TTC28: variants seen among roughly 807,000 people sequenced by gnomAD.
TTC28 encodes the protein tetratricopeptide repeat protein 28.
In TTC28, 61 loss-of-function variants were observed where a neutral mutation model predicts 198.0. The ratio of observed to expected loss-of-function variants is 0.31; its 90% CI spans 0.25 to 0.38. TTC28 has a LOEUF of 0.38. Ranked by LOEUF, TTC28 falls within the 10% of genes least tolerant of loss-of-function variation. The pLI is 1.00. For missense variants in TTC28, 2,678 were observed against 3,164.0 expected (o/e 0.85, Z 3.69); for synonymous variants, 1,171 against 1,297.8 (o/e 0.90, Z 2.10).
chr22:28,595,998 G>C (rs1431844809), intron 2 of TTC28, among the ~76,000 whole-genome samples: 2 of 152,108 alleles, frequency 1.3e-5, no homozygotes, highest in African/African-American at 4.8e-5. Flanking sequence ...CCAAGCTCCC[G>C]ACTCTCATGG....
At chr22:28,636,186 C>T (rs1283538541) in intron 1 of TTC28, among the ~76,000 whole-genome samples, 1 of 115,540 alleles carries the variant, frequency 8.7e-6, no homozygotes, top group Non-Finnish European at 1.6e-5. Flanking sequence ...AGGGCAGTGG[C>T]ACGATCTTGG....
chr22:28,541,339 CA>C, intron 2 of TTC28, among the ~76,000 whole-genome samples: 1 of 152,142 alleles, frequency 6.6e-6, no homozygotes, highest in South Asian at 2.1e-4. Context: ...AAATCCAAAA[CA>C]AAGCACAGAG....
chr22:28,660,466 C>T (rs953918816), intron 1 of TTC28, among the ~76,000 whole-genome samples: 1 of 152,206 alleles, frequency 6.6e-6, no homozygotes, highest in Non-Finnish European at 1.5e-5. Flanking sequence ...GCTGGGACTG[C>T]AGGCACACAC....
chr22:28,113,336 C>G (rs1321225743), intron 6 of TTC28, among the ~76,000 whole-genome samples: 1 of 152,178 alleles, frequency 6.6e-6, no homozygotes, highest in Non-Finnish European at 1.5e-5. Context: ...CCTCTACTTT[C>G]AAACAAATTG....
chr22:28,458,826 A>G (rs1416312340), intron 2 of TTC28, among the ~76,000 whole-genome samples: 1 of 151,588 alleles, frequency 6.6e-6, no homozygotes, highest in Non-Finnish European at 1.5e-5. Flanking sequence ...GCTTTCAGTG[A>G]GCCAAGATCA....
At chr22:28,219,029 A>G (rs951086740) in intron 5 of TTC28, among the ~76,000 whole-genome samples, 12 of 152,110 alleles carry the variant, frequency 7.9e-5, no homozygotes, top group Non-Finnish European at 1.2e-4. Flanking sequence ...GATTCCCTGA[A>G]AGGATCTCAG....
chr22:28,570,646 T>G (rs1269615247), intron 2 of TTC28, among the ~76,000 whole-genome samples: 1 of 152,130 alleles, frequency 6.6e-6, no homozygotes, highest in Non-Finnish European at 1.5e-5. Context: ...CAAAGCAATG[T>G]GACATGTAAT....
At chr22:28,193,864 A>T (rs1232385432) in intron 5 of TTC28, among the ~76,000 whole-genome samples, 1 of 152,192 alleles carries the variant, frequency 6.6e-6, no homozygotes, top group Non-Finnish European at 1.5e-5. Flanking sequence ...CACTGTCAAC[A>T]TTAGACACAT....
intron 13 of TTC28, among the ~76,000 whole-genome samples, chr22:28,021,655 C>T (rs1381287528): frequency 3.3e-5 from 5 of 152,134 alleles, no homozygotes; most frequent in South Asian, 2.1e-4. Context: ...CACATGTGTG[C>T]GTCTGATCTT....
chr22:27,983,893 T>G (rs749488273), intron 22 of TTC28, 42 bp from the exon 23 acceptor site: 3 of 1,505,656 alleles, frequency 2.0e-6, no homozygotes, highest in South Asian at 1.3e-5. Flanking sequence ...GTTAGAATTC[T>G]ATATGGTTTT....
chr22:28,472,983 C>T (rs956277251), intron 2 of TTC28, among the ~76,000 whole-genome samples: 2 of 152,162 alleles, frequency 1.3e-5, no homozygotes, highest in African/African-American at 4.8e-5. Flanking sequence ...TCTATTTAAG[C>T]TAGTTTAGGC....
intron 2 of TTC28, among the ~76,000 whole-genome samples, chr22:28,567,821 GAGGA>G (rs1450808416): frequency 6.6e-6 from 1 of 151,904 alleles, no homozygotes; most frequent in Admixed American, 6.6e-5. Context: ...TCAGACTGAT[GAGGA>G]AGGGAGATTT....
chr22:28,023,575 C>G (rs529353231), intron 13 of TTC28, among the ~76,000 whole-genome samples: 1 of 152,370 alleles, frequency 6.6e-6, no homozygotes, highest in East Asian at 1.9e-4. Flanking sequence ...TTTGTGGGTC[C>G]AAGCCTGTCC....
rs1937107663 is a variant in TTC28 at position 27,983,806 on chromosome 22, G to C, written c.5861C>G (p.Ser1954Cys). The change falls in exon 23 of 23, where the codon TCC becomes TGC. Residue 1954 changes from serine (S) to cysteine (C), a missense_variant. Ser to Cys is a moderately radical substitution (Grantham distance 112). This residue lies in a region of TTC28 where 314 missense variants were observed against 442.7 expected (regional missense o/e 0.71). Coordinates refer to ENST00000397906, the MANE Select transcript of TTC28 (RefSeq NM_001145418.2). ...PKRLSLDSSS[S>C]LESLASAQSV... ...CTGAGCAGAAGCAAGAGACTCGAGG[G>C]AGGAGGAGCTGTCAAGGCTGAGGCG... is the stretch of plus-strand genomic sequence containing the variant. 1 of 1,551,606 alleles carries C rather than the reference G, an allele frequency of 6.4e-7. No individual in the cohort carries two copies. The highest frequency in any genetic ancestry group is 8.7e-7 in the Non-Finnish European group (1 of 1,146,994).
chr22:28,120,358 C>G (rs967391472), intron 6 of TTC28, among the ~76,000 whole-genome samples: 1 of 152,130 alleles, frequency 6.6e-6, no homozygotes, highest in African/African-American at 2.4e-5. Context: ...GCTTTCAACG[C>G]CCTGGGACCT....
chr22:28,020,091 G>C (rs1353395504), intron 13 of TTC28, among the ~76,000 whole-genome samples: 12 of 152,232 alleles, frequency 7.9e-5, no homozygotes, highest in Non-Finnish European at 1.0e-4. Flanking sequence ...TGGCAGGATA[G>C]GGGCTTTTGC....
At chr22:28,380,738 C>T (rs2046481489) in intron 2 of TTC28, among the ~76,000 whole-genome samples, 1 of 152,120 alleles carries the variant, frequency 6.6e-6, no homozygotes, top group Non-Finnish European at 1.5e-5. Context: ...GATCAGCTAC[C>T]TTGTTCCAGG....
At chr22:28,343,140 T>C (rs912220517) in intron 2 of TTC28, among the ~76,000 whole-genome samples, 4 of 152,164 alleles carry the variant, frequency 2.6e-5, no homozygotes, top group Admixed American at 6.5e-5. Context: ...CTCCAAAATG[T>C]ATAATCCATG....
Position 27,985,242 on chromosome 22 carries a change from C to CTCTT in TTC28, c.5815+3_5815+6dup, listed in dbSNP as rs1937170928. 1 of 1,549,486 alleles carries CTCTT rather than the reference C, an allele frequency of 6.5e-7. No individual in the cohort carries two copies. The highest frequency in any genetic ancestry group is 2.4e-5 in the East Asian group (1 of 40,866). On this transcript the variant is annotated splice_region_variant and intron_variant, in intron 22 of 22. Coordinates refer to ENST00000397906, the MANE Select transcript of TTC28 (RefSeq NM_001145418.2). Reference sequence around the variant, plus strand: ...GGTGGAGAACTGGTCTGAGGGCAGGCTCTTACCAAACAGAGACAGCAGGGA... The same window carrying CTCTT: ...GGTGGAGAACTGGTCTGAGGGCAGGCTCTTTCTTACCAAACAGAGACAGCAGGGA...
Sources: allele counts gnomAD v4.1 joint callset (sites outside exome capture counted in the v4.1 genomes callset), GRCh38; gene constraint gnomAD v4.1.1; regional missense constraint gnomAD v4.1.1; transcripts MANE v1.5; gene names NCBI Gene and HGNC (gene_info 2026-07-23, HGNC 2026-07-21).